NFXL1: variants seen among roughly 807,000 people sequenced by gnomAD.
NFXL1 encodes the protein nuclear transcription factor, X-box binding like 1.
NFXL1 carries 66 observed loss-of-function variants against 123.3 expected under a neutral mutation model. The ratio of observed to expected loss-of-function variants is 0.54; its 90% CI spans 0.44 to 0.66. The LOEUF (loss-of-function observed/expected upper bound fraction) is 0.66. Among genes scored for constraint, NFXL1 ranks in the 30% least tolerant of loss-of-function variants. The probability of loss-of-function intolerance (pLI) is 0.00; values close to 1 mark genes in which losing one functional copy is unlikely to be tolerated. For missense variants in NFXL1, 944 were observed against 1,125.6 expected, an observed-to-expected ratio of 0.84 and a Z score of 2.31; for synonymous variants, 346 against 360.8, an observed-to-expected ratio of 0.96 and a Z score of 0.46.
At chr4:47,902,201 A>AT (rs1737384159) in intron 5 of NFXL1, among the ~76,000 whole-genome samples, 1 of 152,118 alleles carries the variant, frequency 6.6e-6, no homozygotes, top group South Asian at 2.1e-4. Flanking sequence ...TAAAATTAAA[A>AT]TAAAAAAAAA....
chr4:47,882,627 G>A (rs556809414), intron 15 of NFXL1, among the ~76,000 whole-genome samples: 4 of 152,154 alleles, frequency 2.6e-5, no homozygotes, highest in East Asian at 1.9e-4. Flanking sequence ...TAGTTTCTAC[G>A]GTACAAATCT....
chr4:47,894,079 G>T, intron 11 of NFXL1, 101 bp downstream of exon 11: 1 of 766,716 alleles, frequency 1.3e-6, no homozygotes, highest in Non-Finnish European at 2.0e-6. Context: ...GCATATGCCT[G>T]AACATTTGAG....
intron 17 of NFXL1, chr4:47,877,182 G>C (rs1289935791): frequency 2.2e-6 from 1 of 462,208 alleles, no homozygotes; most frequent in South Asian, 1.5e-5. Context: ...CAGAGCTTCA[G>C]TTTCCCTATC....
intron 18 of NFXL1, among the ~76,000 whole-genome samples, chr4:47,874,842 G>A (rs1735648614): frequency 6.6e-6 from 1 of 152,034 alleles, no homozygotes; most frequent in South Asian, 2.1e-4. Flanking sequence ...CAAACTATCA[G>A]GTATAGGAGT....
At chr4:47,890,732 G>A (rs1357944334) in intron 11 of NFXL1, 29 bp from the exon 12 acceptor site, 10 of 1,350,532 alleles carry the variant, frequency 7.4e-6, no homozygotes, top group Non-Finnish European at 1.1e-5. Context: ...ATAAAGAACA[G>A]GTAATTCAAA....
intron 19 of NFXL1, 134 bp from the exon 20 acceptor site, chr4:47,855,297 A>G (rs951887892): frequency 8.1e-6 from 3 of 371,086 alleles, no homozygotes; most frequent in African/African-American, 2.2e-5. Flanking sequence ...GATAATTTGT[A>G]AACTATTTTT....
At chr4:47,866,543 C>T (rs745736592) in intron 18 of NFXL1, among the ~76,000 whole-genome samples, 2 of 152,080 alleles carry the variant, frequency 1.3e-5, no homozygotes, top group Non-Finnish European at 2.9e-5. Flanking sequence ...CTGTATCTCC[C>T]ACCCAAAAAA....
chr4:47,895,695 A>C (rs1737044071), intron 10 of NFXL1, among the ~76,000 whole-genome samples: 1 of 152,196 alleles, frequency 6.6e-6, no homozygotes, highest in Non-Finnish European at 1.5e-5. Context: ...GCAGACCTCT[A>C]AATCTTCCTC....
intron 3 of NFXL1, among the ~76,000 whole-genome samples, 200 bp from the exon 4 acceptor site, chr4:47,905,546 C>T (rs1432481088): frequency 6.6e-6 from 1 of 152,106 alleles, no homozygotes; most frequent in Non-Finnish European, 1.5e-5. Context: ...ATCTTGTGTA[C>T]TTTGTTCAAA....
intron 9 of NFXL1, 40 bp from the exon 10 acceptor site, chr4:47,896,687 T>C: frequency 6.9e-7 from 1 of 1,439,268 alleles, no homozygotes; most frequent in Non-Finnish European, 9.7e-7. Flanking sequence ...AATGAGACAT[T>C]ATTATTAAAC....
At chr4:47,879,051 A>G in intron 16 of NFXL1, 45 bp downstream of exon 16, 2 of 1,135,852 alleles carry the variant, frequency 1.8e-6, no homozygotes, top group South Asian at 1.5e-5. Context: ...AGTATGTAAC[A>G]GTATAGATTA....
At chr4:47,869,585 T>C (rs1347986589) in intron 18 of NFXL1, among the ~76,000 whole-genome samples, 1 of 152,154 alleles carries the variant, frequency 6.6e-6, no homozygotes, top group Non-Finnish European at 1.5e-5. Context: ...TATACATGAA[T>C]ATATGGAATA....
rs570059253 is a variant in NFXL1 at position 47,876,928 on chromosome 4, G to A, written c.2079+1597C>T. ...TTGATCTGCACAACTGGGTAAAAAC[G>A]GTAAAATGACTTTCTGAGATGGGAA... On this transcript the variant is annotated intron_variant, in intron 17 of 22. Coordinates refer to ENST00000507489, the MANE Select transcript of NFXL1 (RefSeq NM_001278624.2). 201 of 406,318 alleles carry A rather than the reference G, an allele frequency of 4.9e-4. 1 individual carries two copies. Among genetic ancestry groups the A allele is most frequent in the Non-Finnish European group, 7.7e-4 (172 of 222,192 alleles). 25.2% of individuals were successfully genotyped at this position (406,318 alleles called of 1,614,324 possible). A position where few individuals can be genotyped will look rare whatever the true frequency, so the allele number is the denominator to read the frequency against.
At chr4:47,905,202 G>T in intron 4 of NFXL1, 35 bp downstream of exon 4, 1 of 836,270 alleles carries the variant, frequency 1.2e-6, no homozygotes, top group Non-Finnish European at 2.0e-6. Flanking sequence ...GTATTTTGGG[G>T]AGATACATTA....
chr4:47,848,479 C>CT (rs1425548231), intron 22 of NFXL1, 143 bp from the exon 23 acceptor site: 1 of 610,080 alleles, frequency 1.6e-6, no homozygotes, highest in African/African-American at 1.9e-5. Context: ...TAAAACACTA[C>CT]TCTCCACTAC....
chr4:47,891,281 TG>T (rs1404211265), intron 11 of NFXL1, among the ~76,000 whole-genome samples: 2 of 152,112 alleles, frequency 1.3e-5, no homozygotes, highest in South Asian at 2.1e-4. Flanking sequence ...CTCAGTAGTT[TG>T]TGTATTTTTG....
intron 11 of NFXL1, among the ~76,000 whole-genome samples, chr4:47,893,104 C>A (rs1365227763): frequency 6.6e-6 from 1 of 151,892 alleles, no homozygotes; most frequent in Non-Finnish European, 1.5e-5. Flanking sequence ...GGATAAAAAG[C>A]AGATTAGACA....
chr4:47,856,546 T>C (rs1056249619), intron 19 of NFXL1, among the ~76,000 whole-genome samples: 19 of 152,174 alleles, frequency 1.2e-4, no homozygotes, highest in Non-Finnish European at 2.2e-4. Flanking sequence ...ATTACTGATC[T>C]CTATGATTCA....
At chr4:47,886,143 C>A in intron 12 of NFXL1, 144 bp from the exon 13 acceptor site, 2 of 709,254 alleles carry the variant, frequency 2.8e-6, no homozygotes, top group Admixed American at 3.0e-5. Flanking sequence ...ATGAATCTTA[C>A]CACAAAACAT....
Sources: allele counts gnomAD v4.1 joint callset (sites outside exome capture counted in the v4.1 genomes callset), GRCh38; gene constraint gnomAD v4.1.1; transcripts MANE v1.5; gene names NCBI Gene and HGNC (gene_info 2026-07-23, HGNC 2026-07-21).